The following TAFA2 variants were observed in gnomAD, a reference collection of about 807,000 sequenced individuals.
The protein encoded by TAFA2 is TAFA chemokine like family member 2.
TAFA2 carries 7 observed loss-of-function variants against 18.8 expected under a neutral mutation model. The ratio of observed to expected loss-of-function variants is 0.37; its 90% CI spans 0.21 to 0.70. The LOEUF is 0.70. TAFA2 is among the 30% of genes least tolerant of loss of function. TAFA2 has a pLI of 0.53. For synonymous variants in TAFA2, 60 were observed against 54.2 expected, an observed-to-expected ratio of 1.11 and a Z score of -0.47; for missense variants, 122 against 158.1, an observed-to-expected ratio of 0.77 and a Z score of 1.23.
In TAFA2 at chr12:62,184,663, T is replaced by C. The variant is rs910584875; in HGVS notation, c.-2+6596A>G. On this transcript the variant is annotated intron_variant, in intron 1 of 4. Transcript: ENST00000416284. ...GGCACACACACCCATGCCTGGCTAA[T>C]TTTTTTTTTTTTACTTTTGTAAAGG... is the stretch of plus-strand genomic sequence containing the variant. 2.8e-5 allele frequency among the ~76,000 whole-genome samples: 4 copies of C among 143,400 alleles called. No homozygotes were observed. The East Asian group carries it at 6.1e-4, about 22-fold the overall frequency. 94.1% of individuals were successfully genotyped at this position (143,400 alleles called of 152,430 possible).
intron 2 of TAFA2, among the ~76,000 whole-genome samples, chr12:61,836,774 T>TA (rs1362047632): frequency 9.0e-5 from 13 of 144,786 alleles, no homozygotes; most frequent in Non-Finnish European, 1.7e-4. Flanking sequence ...CACACACAAA[T>TA]ACATATATAT....
intron 1 of TAFA2, among the ~76,000 whole-genome samples, chr12:62,154,880 G>A (rs2062357665): frequency 6.6e-6 from 1 of 152,040 alleles, no homozygotes; most frequent in Non-Finnish European, 1.5e-5. Flanking sequence ...CCCATGACAG[G>A]TGAAATAGGA....
intron 2 of TAFA2, among the ~76,000 whole-genome samples, chr12:61,778,266 C>T (rs187660743): frequency 1.4e-4 from 22 of 151,858 alleles, no homozygotes; most frequent in East Asian, 9.7e-4. Flanking sequence ...TACTATCTCT[C>T]GAGCCTAAGG....
chr12:61,886,795 G>T (rs1053842605), intron 1 of TAFA2, among the ~76,000 whole-genome samples: 2 of 152,136 alleles, frequency 1.3e-5, no homozygotes, highest in African/African-American at 4.8e-5. Flanking sequence ...GAATTGGGGG[G>T]CTATTGGCAT....
chr12:62,205,541 C>A (rs898949663), intron 1 of TAFA2, among the ~76,000 whole-genome samples: 1 of 152,194 alleles, frequency 6.6e-6, no homozygotes, highest in Non-Finnish European at 1.5e-5. Flanking sequence ...TGCTGAAATT[C>A]CCCAGGGAGG....
Position 62,211,166 on chromosome 12 carries a change from TA to T in TAFA2, c.-130+47596del, listed in dbSNP as rs1417993879. 2.6e-5 allele frequency among the ~76,000 whole-genome samples: 4 copies of T among 152,254 alleles called. No homozygotes were observed. In the East Asian group the frequency reaches 7.7e-4, roughly 29 times the overall value. On this transcript the variant is annotated intron_variant, in intron 1 of 5. Coordinates refer to the TAFA2 transcript ENST00000551619. The stretch of plus-strand genomic sequence containing the variant: ...CTTTGTCGAGCACAATCTAATAAAA[TA>T]AAAATGATGATACCACCAAAGAGAG...
At chr12:62,245,988 TC>T (rs2062883844) in intron 1 of TAFA2, among the ~76,000 whole-genome samples, 1 of 142,940 alleles carries the variant, frequency 7.0e-6, no homozygotes, top group Admixed American at 6.8e-5. Context: ...TTATTGTTAT[TC>T]CTTTTTTTTT....
At chr12:62,218,018 C>G (rs1290678097) in intron 1 of TAFA2, among the ~76,000 whole-genome samples, 2 of 149,610 alleles carry the variant, frequency 1.3e-5, no homozygotes, top group African/African-American at 4.9e-5. Flanking sequence ...ATTTTTGAGA[C>G]AGGGTCTCAC....
chr12:61,748,225 G>T (rs1027170616), intron 4 of TAFA2, among the ~76,000 whole-genome samples: 4 of 152,240 alleles, frequency 2.6e-5, no homozygotes, highest in African/African-American at 9.6e-5. Context: ...TAGCATACAT[G>T]AGTGTGCATA....
intron 1 of TAFA2, among the ~76,000 whole-genome samples, chr12:62,041,167 ATTGAT>A (rs1881747332): frequency 6.6e-6 from 1 of 152,182 alleles, no homozygotes; most frequent in Non-Finnish European, 1.5e-5. Flanking sequence ...GCATTATGTT[ATTGAT>A]TTAACTGTTT....
chr12:62,043,331 G>T (rs1881814655), intron 1 of TAFA2, among the ~76,000 whole-genome samples: 2 of 152,070 alleles, frequency 1.3e-5, no homozygotes, highest in African/African-American at 4.8e-5. Context: ...GATGAAACTG[G>T]AAACCATCAT....
intron 1 of TAFA2, among the ~76,000 whole-genome samples, chr12:61,986,158 CTT>C (rs551223452): frequency 1.7e-4 from 11 of 65,854 alleles, no homozygotes; most frequent in African/African-American, 7.0e-4. Context: ...CTAAGCTCTT[CTT>C]TTTTTTTTTT....
intron 2 of TAFA2, among the ~76,000 whole-genome samples, chr12:61,805,707 G>T (rs2120986567): frequency 6.6e-6 from 1 of 152,188 alleles, no homozygotes; most frequent in Admixed American, 6.5e-5. Flanking sequence ...ATATTTAGTA[G>T]ATTAATGTGG....
At chr12:62,080,101 C>T (rs1053679694) in intron 1 of TAFA2, among the ~76,000 whole-genome samples, 1 of 152,190 alleles carries the variant, frequency 6.6e-6, no homozygotes, top group Non-Finnish European at 1.5e-5. Context: ...GAACTGTGGT[C>T]CCCAATTCAT....
intron 4 of TAFA2, among the ~76,000 whole-genome samples, chr12:61,735,226 G>C (rs745421110): frequency 6.6e-6 from 1 of 151,774 alleles, no homozygotes; most frequent in Non-Finnish European, 1.5e-5. Context: ...AAATTCTTTG[G>C]TATTGATATT....
At chr12:61,723,729 T>C (rs1180069836) in intron 4 of TAFA2, among the ~76,000 whole-genome samples, 2 of 152,130 alleles carry the variant, frequency 1.3e-5, no homozygotes, top group African/African-American at 2.4e-5. Context: ...GATGCTCTAA[T>C]TGGTATTAGA....
intron 2 of TAFA2, among the ~76,000 whole-genome samples, chr12:61,836,142 T>G (rs1203961592): frequency 1.3e-5 from 2 of 151,898 alleles, no homozygotes; most frequent in African/African-American, 2.4e-5. Context: ...CGAGAAAAAG[T>G]TTTATGTGCC....
At chr12:62,247,070 T>C (rs1345505625) in intron 1 of TAFA2, among the ~76,000 whole-genome samples, 1 of 152,212 alleles carries the variant, frequency 6.6e-6, no homozygotes, top group Non-Finnish European at 1.5e-5. Flanking sequence ...TTGCTTCTTT[T>C]TCCTGCATGC....
At chr12:62,071,470 G>T (rs969009928) in intron 1 of TAFA2, among the ~76,000 whole-genome samples, 2 of 152,084 alleles carry the variant, frequency 1.3e-5, no homozygotes, top group African/African-American at 4.8e-5. Context: ...GGTCTCATTC[G>T]CACTTTTAAA....
Sources: gnomAD v4.1 joint callset for allele counts (sites outside exome capture counted in the v4.1 genomes callset) on GRCh38, gnomAD v4.1.1 for gene constraint, MANE v1.5 for transcripts, NCBI Gene and HGNC (gene_info 2026-07-23, HGNC 2026-07-21) for gene names.